Variants in MDGA2 observed in about 807,000 individuals in gnomAD.
The protein encoded by MDGA2 is MAM domain-containing glycosylphosphatidylinositol anchor protein 2.
Under a neutral mutation model 117.8 loss-of-function variants are expected in MDGA2, and 40 were observed. The observed-to-expected ratio is 0.34, with a 90% CI of 0.26 to 0.44. MDGA2 has a LOEUF of 0.44. MDGA2 is among the 20% of genes least tolerant of loss of function. MDGA2 has a pLI of 1.00. For synonymous variants in MDGA2, 452 were observed against 439.0 expected, an observed-to-expected ratio of 1.03 and a Z score of -0.37; for missense variants, 1,123 against 1,250.6, an observed-to-expected ratio of 0.90 and a Z score of 1.54.
At chr14:46,958,938 T>C (rs1023616241) in intron 8 of MDGA2, among the ~76,000 whole-genome samples, 4 of 152,218 alleles carry the variant, frequency 2.6e-5, no homozygotes, top group Admixed American at 1.3e-4. Flanking sequence ...GTGATTGATA[T>C]GTATCTATTG....
chr14:47,116,550 C>T (rs1314002852), intron 5 of MDGA2, among the ~76,000 whole-genome samples: 1 of 151,914 alleles, frequency 6.6e-6, no homozygotes, highest in African/African-American at 2.4e-5. Flanking sequence ...AGAGCACTGG[C>T]ATAAAGACAG....
At chr14:47,118,031 A>G (rs1881427601) in intron 5 of MDGA2, among the ~76,000 whole-genome samples, 1 of 152,226 alleles carries the variant, frequency 6.6e-6, no homozygotes, top group South Asian at 2.1e-4. Flanking sequence ...TGAATTACAA[A>G]GCCATAAAAA....
chr14:47,454,611 T>A (rs1170693473), intron 1 of MDGA2, among the ~76,000 whole-genome samples: 9 of 152,226 alleles, frequency 5.9e-5, no homozygotes, highest in Non-Finnish European at 4.4e-5. Context: ...CTTTTACACA[T>A]GTACCTGATT....
At chr14:47,604,707 C>T (rs545049016) in intron 1 of MDGA2, among the ~76,000 whole-genome samples, 4 of 152,156 alleles carry the variant, frequency 2.6e-5, no homozygotes, top group African/African-American at 4.8e-5. Flanking sequence ...TTGTCAAGAA[C>T]GGGAATTTAT....
At chr14:47,251,532 C>T (rs752654237) in intron 2 of MDGA2, among the ~76,000 whole-genome samples, 3 of 152,120 alleles carry the variant, frequency 2.0e-5, no homozygotes, top group Admixed American at 6.5e-5. Flanking sequence ...CCGAAGTATA[C>T]GTACTACATC....
intron 14 of MDGA2, among the ~76,000 whole-genome samples, chr14:46,861,227 T>C (rs989670649): frequency 1.1e-4 from 17 of 151,894 alleles, no homozygotes; most frequent in African/African-American, 4.1e-4. Context: ...GCTAACAAAA[T>C]AGTGCATACT....
chr14:46,998,019 GA>G (rs1462037806), intron 8 of MDGA2, among the ~76,000 whole-genome samples: 3 of 150,144 alleles, frequency 2.0e-5, no homozygotes, highest in African/African-American at 7.3e-5. Flanking sequence ...AATATCATCA[GA>G]AAAAAAATAA....
chr14:47,526,625 T>C (rs1894978588), intron 1 of MDGA2, among the ~76,000 whole-genome samples: 1 of 152,136 alleles, frequency 6.6e-6, no homozygotes, highest in Non-Finnish European at 1.5e-5. Context: ...AGTTTCACCC[T>C]ACACTTGTGT....
intron 9 of MDGA2, among the ~76,000 whole-genome samples, chr14:46,922,970 C>T (rs1029669195): frequency 6.6e-6 from 1 of 152,144 alleles, no homozygotes; most frequent in African/African-American, 2.4e-5. Flanking sequence ...TTGACTACCA[C>T]GAGGATAACT....
At chr14:47,538,810 G>A (rs552516975) in intron 1 of MDGA2, among the ~76,000 whole-genome samples, 1 of 152,194 alleles carries the variant, frequency 6.6e-6, no homozygotes, top group Admixed American at 6.5e-5. Flanking sequence ...GTATCTGGGT[G>A]CCAGCACTTA....
chr14:47,286,822 T>TACAC (rs1438426238), intron 2 of MDGA2, among the ~76,000 whole-genome samples: 1 of 117,992 alleles, frequency 8.5e-6, no homozygotes, highest in African/African-American at 2.9e-5. Context: ...TATATATATA[T>TACAC]ATACATATAT....
At chr14:47,586,740 C>T (rs1305818836) in intron 1 of MDGA2, among the ~76,000 whole-genome samples, 1 of 151,898 alleles carries the variant, frequency 6.6e-6, no homozygotes, top group Non-Finnish European at 1.5e-5. Context: ...CTTCAAAAGC[C>T]AAAGTCACAG....
At chr14:47,097,676 T>C (rs11157542) in intron 5 of MDGA2, among the ~76,000 whole-genome samples, 1 of 151,756 alleles carries the variant, frequency 6.6e-6, no homozygotes, top group Non-Finnish European at 1.5e-5. Flanking sequence ...AATAAAATCA[T>C]CTAATTCTAA....
chr14:47,351,466 C>A (rs956023434), intron 1 of MDGA2, among the ~76,000 whole-genome samples: 1 of 152,092 alleles, frequency 6.6e-6, no homozygotes. Context: ...TTATCCTTTA[C>A]CCTTTAGCAA....
intron 7 of MDGA2, among the ~76,000 whole-genome samples, chr14:47,053,838 C>T (rs990852525): frequency 3.2e-4 from 49 of 151,684 alleles, no homozygotes; most frequent in Admixed American, 6.6e-5. Flanking sequence ...CTTCTCTCTG[C>T]AGTTCAGTAG....
chr14:47,440,835 C>A (rs1235165512), intron 1 of MDGA2, among the ~76,000 whole-genome samples: 1 of 152,036 alleles, frequency 6.6e-6, no homozygotes, highest in Non-Finnish European at 1.5e-5. Flanking sequence ...TCCAAGGTAT[C>A]ATTACGTAAA....
chr14:47,311,815 C>A (rs1195256072), intron 1 of MDGA2, among the ~76,000 whole-genome samples: 1 of 152,068 alleles, frequency 6.6e-6, no homozygotes, highest in African/African-American at 2.4e-5. Context: ...GATGCCAATT[C>A]TGCCTTATGC....
chr14:47,200,973 A>G (rs1885483346), intron 3 of MDGA2: 1 of 832,522 alleles, frequency 1.2e-6, no homozygotes, highest in Admixed American at 1.7e-5. Context: ...AGAAATTGCC[A>G]GAAATGTTGA....
intron 2 of MDGA2, among the ~76,000 whole-genome samples, chr14:47,297,913 A>G (rs1056532000): frequency 1.3e-5 from 2 of 152,194 alleles, no homozygotes; most frequent in African/African-American, 4.8e-5. Context: ...ACTGAAAAAT[A>G]ATAAAGCCAA....
Sources: gnomAD v4.1 joint callset for allele counts (sites outside exome capture counted in the v4.1 genomes callset) on GRCh38, gnomAD v4.1.1 for gene constraint, MANE v1.5 for transcripts, NCBI Gene and HGNC (gene_info 2026-07-23, HGNC 2026-07-21) for gene names.